Variants in DPP6 observed in about 807,000 individuals in gnomAD.
DPP6 encodes the protein A-type potassium channel modulatory protein DPP6.
DPP6 carries 69 observed loss-of-function variants against 122.6 expected under a neutral mutation model. That is an observed-to-expected ratio of 0.56 (90% CI 0.46 to 0.69). The LOEUF is 0.69. DPP6 is among the 30% of genes least tolerant of loss of function. The probability of loss-of-function intolerance (pLI) is 0.00; values close to 1 mark genes in which losing one functional copy is unlikely to be tolerated. For missense variants in DPP6, 928 were observed against 1,116.9 expected, an observed-to-expected ratio of 0.83 and a Z score of 2.41; for synonymous variants, 418 against 433.1, an observed-to-expected ratio of 0.97 and a Z score of 0.43.
Position 154,803,605 on chromosome 7 carries a change from G to A in DPP6, c.1408-259G>A, listed in dbSNP as rs554518664. Among the ~76,000 whole-genome samples the A allele has an allele frequency of 6.4e-4, 98 of 152,174 alleles. 1 individual carries two copies. The highest frequency in any genetic ancestry group is 1.1e-3 in the Non-Finnish European group (73 of 68,028). On this transcript the variant is annotated intron_variant, in intron 13 of 25. Coordinates refer to ENST00000377770, the MANE Select transcript of DPP6 (RefSeq NM_130797.4). ...GTTGGAGGCCAGGTCCAAGTGATTC[G>A]CGTCACCAAAGAGGACAGGGCACTG...
intron 1 of DPP6, among the ~76,000 whole-genome samples, chr7:154,333,168 G>C (rs1340418501): frequency 6.6e-6 from 1 of 152,122 alleles, no homozygotes; most frequent in Non-Finnish European, 1.5e-5. Flanking sequence ...GCATCTTTGA[G>C]AAAGATCTGT....
chr7:154,308,256 A>G (rs1806536306), intron 1 of DPP6, among the ~76,000 whole-genome samples: 1 of 76,956 alleles, frequency 1.3e-5, no homozygotes, highest in Non-Finnish European at 3.3e-5. Flanking sequence ...GGGAAATTAG[A>G]AAAAAAAAAG....
rs181784347 is a variant in DPP6 at position 154,533,377 on chromosome 7, C to T, written c.458-7155C>T. On this transcript the variant is annotated intron_variant, in intron 3 of 25. Transcript: ENST00000377770. ...ATCAAATGACTCCTATTTTCAACACCGACCTAAGAAGAAATAGGAAACTGA... is the reference window on the plus strand; with the variant it reads ...ATCAAATGACTCCTATTTTCAACACTGACCTAAGAAGAAATAGGAAACTGA... Among the ~76,000 whole-genome samples, 614 of 152,220 alleles carry T rather than the reference C, an allele frequency of 4.0e-3. 2 individuals carry two copies. The highest frequency in any genetic ancestry group is 6.8e-3 in the Middle Eastern group (2 of 294).
At chr7:154,744,452 CCT>C (rs1842949058) in intron 8 of DPP6, among the ~76,000 whole-genome samples, 1 of 152,182 alleles carries the variant, frequency 6.6e-6, no homozygotes, top group African/African-American at 2.4e-5. Flanking sequence ...AGCCGATCCT[CCT>C]CCCTGGGCCC....
intron 1 of DPP6, among the ~76,000 whole-genome samples, chr7:153,910,052 A>G (rs1396660680): frequency 6.6e-6 from 1 of 152,018 alleles, no homozygotes; most frequent in Non-Finnish European, 1.5e-5. Context: ...CTGGGTTTCG[A>G]GTATTCATTT....
At chr7:153,804,271 C>T in the DPP6 span, among the ~76,000 whole-genome samples, 2 of 151,944 alleles carry the variant, frequency 1.3e-5, no homozygotes, top group African/African-American at 4.8e-5. Context: ...AGACTGGTCT[C>T]GAACTCCTGA....
At chr7:154,521,308 T>C (rs947203728) in intron 3 of DPP6, among the ~76,000 whole-genome samples, 6 of 152,290 alleles carry the variant, frequency 3.9e-5, no homozygotes, top group African/African-American at 1.2e-4. Flanking sequence ...TTTTCTTTTA[T>C]GTTAGGTTCA....
rs147477693 is a variant in DPP6 at position 154,485,093 on chromosome 7, G to C, written c.457+10056G>C. 5.3e-5 allele frequency among the ~76,000 whole-genome samples: 8 copies of C among 152,216 alleles called. No homozygotes were observed. In the East Asian group the frequency reaches 1.5e-3, roughly 29 times the overall value. On this transcript the variant is annotated intron_variant, in intron 3 of 25. Transcript: ENST00000377770. ...AACCATTAAGCCTTAGAATTGCAGAGAGTAATAAAGTCCCCTCGAGGGCAC... is the reference window on the plus strand; with the variant it reads ...AACCATTAAGCCTTAGAATTGCAGACAGTAATAAAGTCCCCTCGAGGGCAC...
intron 3 of DPP6, among the ~76,000 whole-genome samples, chr7:154,539,403 G>A (rs1334405046): frequency 3.9e-5 from 6 of 152,036 alleles, no homozygotes; most frequent in Non-Finnish European, 8.8e-5. Flanking sequence ...GTGTACGCAT[G>A]TTCTCACTCA....
intron 1 of DPP6, among the ~76,000 whole-genome samples, chr7:153,925,297 C>A (rs2215195): frequency 7.9e-5 from 12 of 151,208 alleles, no homozygotes; most frequent in Middle Eastern, 3.5e-3. Flanking sequence ...GGAGATCATC[C>A]CGCATGGTGG....
intron 5 of DPP6, among the ~76,000 whole-genome samples, chr7:154,637,019 A>G (rs1835769366): frequency 1.3e-5 from 2 of 152,194 alleles, no homozygotes. Flanking sequence ...CATATTCCGT[A>G]TGTTCGACAA....
intron 1 of DPP6, among the ~76,000 whole-genome samples, chr7:153,892,894 C>T (rs1395242052): frequency 6.6e-6 from 1 of 152,062 alleles, no homozygotes; most frequent in Non-Finnish European, 1.5e-5. Flanking sequence ...GTTCAACATC[C>T]CTTCATAAAA....
rs58430009 is a variant in DPP6 at position 154,481,346 on chromosome 7, G to GTGTGTGTGTGT, written c.457+6309_457+6310insTGTGTGTGTGT. Among the ~76,000 whole-genome samples, 1,326 of 148,040 alleles carry GTGTGTGTGTGT rather than the reference G, an allele frequency of 9.0e-3. 29 individuals carry two copies. The highest frequency in any genetic ancestry group is 0.021 in the South Asian group (100 of 4,702). On this transcript the variant is annotated intron_variant, in intron 3 of 25. Transcript: ENST00000377770. The surrounding 1 kb of genome is among the most constrained non-coding windows in gnomAD (Gnocchi z 4.2). ...ATACACTTGGAGAGAGAGAGAGAGG[G>GTGTGTGTGTGT]GTGTGTGTGTGTGTGTGTGTGTGTG...
intron 7 of DPP6, among the ~76,000 whole-genome samples, chr7:154,675,223 G>A (rs76933870): frequency 6.6e-6 from 1 of 152,128 alleles, no homozygotes; most frequent in Non-Finnish European, 1.5e-5. Flanking sequence ...GGGGGGCTAG[G>A]GGAGGGATAG....
At chr7:154,723,563 T>C (rs1228145672) in intron 7 of DPP6, among the ~76,000 whole-genome samples, 2 of 152,212 alleles carry the variant, frequency 1.3e-5, no homozygotes, top group African/African-American at 4.8e-5. Context: ...TATACTTGTT[T>C]CTGGAAGTTT....
At chr7:153,857,911 G>T in the DPP6 span, among the ~76,000 whole-genome samples, 4 of 152,172 alleles carry the variant, frequency 2.6e-5, no homozygotes, top group Admixed American at 6.5e-5. Flanking sequence ...ACAGGTTGAA[G>T]AAATCAATTG....
At chr7:153,816,056 G>T in the DPP6 span, among the ~76,000 whole-genome samples, 2 of 151,562 alleles carry the variant, frequency 1.3e-5, no homozygotes, top group African/African-American at 2.4e-5. Context: ...ATAGAAAAAA[G>T]AAAATATTGT....
intron 1 of DPP6, among the ~76,000 whole-genome samples, chr7:154,031,971 C>T (rs754416132): frequency 2.0e-5 from 3 of 150,710 alleles, no homozygotes; most frequent in Non-Finnish European, 2.9e-5. Context: ...ATGCCATTCT[C>T]CTGCCTCAGC....
chr7:153,793,396 C>T, the DPP6 span, among the ~76,000 whole-genome samples: 1 of 124,788 alleles, frequency 8.0e-6, no homozygotes, highest in South Asian at 2.9e-4. Flanking sequence ...TTGCCCCTGC[C>T]CTAGGGATTT....
Sources: gnomAD v4.1 joint callset for allele counts (sites outside exome capture counted in the v4.1 genomes callset) on GRCh38, gnomAD v4.1.1 for gene constraint, Gnocchi (gnomAD v3.1) non-coding constraint, MANE v1.5 for transcripts, NCBI Gene and HGNC (gene_info 2026-07-23, HGNC 2026-07-21) for gene names.